FIG4: variants seen among roughly 807,000 people sequenced by gnomAD.
FIG4 encodes the protein polyphosphoinositide phosphatase.
A neutral mutation model predicts 118.6 loss-of-function variants in FIG4; 112 were observed. The ratio of observed to expected loss-of-function variants is 0.94; its 90% confidence interval spans 0.81 to 1.11. The LOEUF (loss-of-function observed/expected upper bound fraction) is 1.11, where lower values mean the gene tolerates loss of function less well. Ranked by LOEUF, FIG4 falls within the 50% of genes least tolerant of loss-of-function variation. The pLI, the probability that FIG4 is intolerant of heterozygous loss-of-function variation, is 0.00. For missense variants in FIG4, 969 were observed against 1,111.7 expected (o/e 0.87, Z 1.83); for synonymous variants, 369 against 381.2 (o/e 0.97, Z 0.37).
chr6:109,802,145 C>T (rs969547234), intron 22 of FIG4, among the ~76,000 whole-genome samples: 1 of 152,190 alleles, frequency 6.6e-6, no homozygotes, highest in African/African-American at 2.4e-5. Context: ...CTTCCTCTTT[C>T]GTCCTGACAT....
chr6:109,788,576 G>A (rs2492978), intron 18 of FIG4, among the ~76,000 whole-genome samples: 8,987 of 152,264 alleles, frequency 0.059, 862 homozygotes, highest in African/African-American at 0.2. Flanking sequence ...TGCAGTGACT[G>A]TGAAAGTACC....
chr6:109,773,330 C>A (rs1047746515), intron 15 of FIG4, among the ~76,000 whole-genome samples: 1 of 152,144 alleles, frequency 6.6e-6, no homozygotes, highest in African/African-American at 2.4e-5. Context: ...TGGTATGATA[C>A]TAGGGAGCAA....
chr6:109,782,238 G>A (rs1051701527), intron 16 of FIG4, among the ~76,000 whole-genome samples: 1 of 152,140 alleles, frequency 6.6e-6, no homozygotes, highest in Non-Finnish European at 1.5e-5. Context: ...CCAGTGCATT[G>A]TTCTTCCTCT....
chr6:109,803,569 T>C (rs1163483818), intron 22 of FIG4, among the ~76,000 whole-genome samples: 2 of 152,174 alleles, frequency 1.3e-5, no homozygotes, highest in African/African-American at 4.8e-5. Flanking sequence ...TTCAATAATT[T>C]GGGTTTTCTC....
intron 1 of FIG4, among the ~76,000 whole-genome samples, chr6:109,703,111 A>G (rs1447427179): frequency 6.6e-6 from 1 of 151,836 alleles, no homozygotes; most frequent in Non-Finnish European, 1.5e-5. Context: ...TTTTTTTTTA[A>G]GCCCATGAGT....
intron 10 of FIG4, 41 bp from the exon 11 acceptor site, chr6:109,760,209 A>G (rs190506662): frequency 1.3e-6 from 2 of 1,571,018 alleles, no homozygotes; most frequent in East Asian, 4.5e-5. Context: ...CCTCTGATTT[A>G]AGGAAATTAG....
chr6:109,812,463 T>C (rs1472876875), intron 22 of FIG4, among the ~76,000 whole-genome samples: 2 of 152,164 alleles, frequency 1.3e-5, no homozygotes, highest in Non-Finnish European at 2.9e-5. Flanking sequence ...CTCTAAAAGA[T>C]GACCATGGGT....
chr6:109,791,044 T>C (rs1778120903), intron 19 of FIG4, among the ~76,000 whole-genome samples: 1 of 152,200 alleles, frequency 6.6e-6, no homozygotes, highest in Admixed American at 6.5e-5. Flanking sequence ...AAACATACAG[T>C]CTTCTATAAT....
intron 15 of FIG4, among the ~76,000 whole-genome samples, chr6:109,770,650 C>A (rs1777430328): frequency 1.3e-5 from 2 of 151,956 alleles, no homozygotes; most frequent in South Asian, 4.2e-4. Flanking sequence ...ACTTTTAATC[C>A]TGGCAGAAGA....
intron 19 of FIG4, among the ~76,000 whole-genome samples, chr6:109,790,560 A>G (rs1158121389): frequency 6.6e-6 from 1 of 152,230 alleles, no homozygotes; most frequent in Non-Finnish European, 1.5e-5. Flanking sequence ...AAGGTCAGAG[A>G]CTGCTTGTTT....
intron 1 of FIG4, among the ~76,000 whole-genome samples, chr6:109,708,497 C>T (rs1341944212): frequency 6.6e-6 from 1 of 152,184 alleles, no homozygotes; most frequent in Non-Finnish European, 1.5e-5. Flanking sequence ...AATGGGATTG[C>T]TGGGCCGAAT....
intron 10 of FIG4, among the ~76,000 whole-genome samples, chr6:109,745,328 G>T (rs978519107): frequency 6.6e-6 from 1 of 152,036 alleles, no homozygotes; most frequent in Non-Finnish European, 1.5e-5. Context: ...TTAAATGATC[G>T]CCGTTCTAAC....
chr6:109,715,069 T>A lies in FIG4; in HGVS notation c.67-9T>A. ...TTGATAAACTAATGACATTCCTTTTTATTTATAGAGATACTTTCTAGTTGG... is the reference window on the plus strand; with the variant it reads ...TTGATAAACTAATGACATTCCTTTTAATTTATAGAGATACTTTCTAGTTGG... On this transcript the variant is annotated splice_polypyrimidine_tract_variant and intron_variant, in intron 1 of 22. Transcript: ENST00000230124. 6.7e-7 allele frequency: 1 copy of A among 1,495,420 alleles called. No individual in the cohort carries two copies. The highest frequency in any genetic ancestry group is 9.3e-7 in the Non-Finnish European group (1 of 1,072,602). The allele number at this position is 1,495,420 out of a possible 1,614,324, so 92.6% of individuals were successfully genotyped here. A position where few individuals can be genotyped will look rare whatever the true frequency, so the allele number is the denominator to read the frequency against.
At chr6:109,746,923 G>C (rs1292492703) in intron 10 of FIG4, among the ~76,000 whole-genome samples, 1 of 152,032 alleles carries the variant, frequency 6.6e-6, no homozygotes, top group Admixed American at 6.6e-5. Flanking sequence ...GGCTGGATTT[G>C]AAATGAGGGA....
At chr6:109,803,479 G>A (rs1427069909) in intron 22 of FIG4, among the ~76,000 whole-genome samples, 1 of 152,166 alleles carries the variant, frequency 6.6e-6, no homozygotes, top group Admixed American at 6.5e-5. Context: ...AAGTTTGGGG[G>A]CTAAGGTAGT....
intron 11 of FIG4, 48 bp downstream of exon 11, chr6:109,760,431 A>G: frequency 6.5e-7 from 1 of 1,542,104 alleles, no homozygotes; most frequent in Non-Finnish European, 9.0e-7. Flanking sequence ...TTTTCTTGTG[A>G]TGAGAAATAA....
At chr6:109,806,599 G>A (rs893183515) in intron 22 of FIG4, among the ~76,000 whole-genome samples, 50 of 151,944 alleles carry the variant, frequency 3.3e-4, no homozygotes, top group African/African-American at 1.2e-3. Flanking sequence ...GTCCTGGAGA[G>A]GGTCAGTAGT....
chr6:109,708,175 G>A (rs1160224128), intron 1 of FIG4, among the ~76,000 whole-genome samples: 3 of 152,086 alleles, frequency 2.0e-5, no homozygotes, highest in East Asian at 1.9e-4. Flanking sequence ...AGTGTCTGTT[G>A]CTCCCTCTGT....
At chr6:109,754,172 G>A (rs1776805482) in intron 10 of FIG4, among the ~76,000 whole-genome samples, 1 of 152,098 alleles carries the variant, frequency 6.6e-6, no homozygotes. Context: ...TTTCTCAAAG[G>A]CCTTTTCTGC....
Sources: allele counts gnomAD v4.1 joint callset (sites outside exome capture counted in the v4.1 genomes callset), GRCh38; gene constraint gnomAD v4.1.1; transcripts MANE v1.5; gene names NCBI Gene and HGNC (gene_info 2026-07-23, HGNC 2026-07-21).